Variants in PLCD3 observed in about 807,000 individuals in gnomAD.
The protein encoded by PLCD3 is phospholipase C delta 3.
In PLCD3, 62 loss-of-function variants were observed where a neutral mutation model predicts 82.8. The ratio of observed to expected loss-of-function variants is 0.75; its 90% CI spans 0.61 to 0.93. The LOEUF (loss-of-function observed/expected upper bound fraction) is 0.93. Among genes scored for constraint, PLCD3 ranks in the 40% least tolerant of loss-of-function variants. PLCD3 has a pLI of 0.00. For missense variants in PLCD3, 1,023 were observed against 1,103.4 expected, an observed-to-expected ratio of 0.93 and a Z score of 1.03; for synonymous variants, 478 against 471.8, an observed-to-expected ratio of 1.01 and a Z score of -0.17.
intron 1 of PLCD3, among the ~76,000 whole-genome samples, chr17:45,125,146 G>A (rs925582389): frequency 5.3e-5 from 8 of 151,394 alleles, no homozygotes; most frequent in Admixed American, 2.0e-4. Flanking sequence ...GACCAACATG[G>A]TGAAACCCTG....
intron 7 of PLCD3, among the ~76,000 whole-genome samples, chr17:45,117,529 C>T (rs948397751): frequency 1.7e-4 from 26 of 152,214 alleles, no homozygotes; most frequent in African/African-American, 4.6e-4. Context: ...TGTGAGCCAC[C>T]GCACCTGGTC....
In PLCD3 at chr17:45,121,279, C is replaced by T; in HGVS notation, c.257G>A (p.Arg86Gln). The T allele has an allele frequency of 1.3e-6, 2 of 1,587,948 alleles. No homozygotes were observed. The highest frequency in any genetic ancestry group is 1.7e-4 in the Middle Eastern group (1 of 5,972). Residue 86 changes from arginine (R) to glutamine (Q), a missense_variant, in exon 2 of 15, where the codon CGG becomes CAG. By Grantham distance (43) the Arg-to-Gln change is conservative. Coordinates refer to ENST00000619929, the MANE Select transcript of PLCD3 (RefSeq NM_133373.5). Reference sequence around the variant, plus strand: ...CACGCTCAGGCCGTCCTCCTGCAGCCGGTACAGCCGCTCCTTGTGCCACGT... The same window carrying T: ...CACGCTCAGGCCGTCCTCCTGCAGCTGGTACAGCCGCTCCTTGTGCCACGT... ...SRTWHKERLY[R>Q]LQEDGLSVWF...
rs867847080 is a variant in PLCD3 at position 45,112,194 on chromosome 17, G to A, written c.*422C>T. 6.8e-5 allele frequency: 13 copies of A among 192,166 alleles called. No homozygotes were observed. Among genetic ancestry groups the A allele is most frequent in the African/African-American group, 1.2e-4 (5 of 42,262 alleles). 11.9% of individuals were successfully genotyped at this position (192,166 alleles called of 1,614,324 possible). ...AAAGGAGGGCTTAGGGGCTAAGCTC[G>A]GGGTCGGGGCCAAGTGGAGTGACTG... On this transcript the variant is annotated 3_prime_UTR_variant, in exon 15 of 15. Transcript: ENST00000619929.
chr17:45,123,963 C>T (rs1309869974), intron 1 of PLCD3, among the ~76,000 whole-genome samples: 4 of 141,794 alleles, frequency 2.8e-5, no homozygotes, highest in Non-Finnish European at 1.6e-5. Context: ...CAGACCCCCC[C>T]CCCAACCAGG....
chr17:45,115,604 G>T, intron 8 of PLCD3, 114 bp from the exon 9 acceptor site: 1 of 914,896 alleles, frequency 1.1e-6, no homozygotes, highest in Non-Finnish European at 1.7e-6. Flanking sequence ...TGGGAGGCAG[G>T]AAAGGAGACA....
At position 45,112,914 on chromosome 17, in the gene PLCD3, G is replaced by A; in HGVS notation, c.2230C>T (p.Pro744Ser). ...GTAAACTGGCCCACAAAGTCATTGG[G>A]GGAGGTGGCGTCATAATCTTCCACC... ...FVVEDYDATS[P>S]NDFVGQFTLP... The change falls in exon 14 of 15, where the codon CCC becomes TCC. Residue 744 changes from proline to serine, a missense_variant. Transcript: ENST00000619929. 1 of 1,612,670 alleles carries A rather than the reference G, an allele frequency of 6.2e-7. No individual in the cohort carries two copies. The highest frequency in any genetic ancestry group is 8.5e-7 in the Non-Finnish European group (1 of 1,179,356).
chr17:45,120,897 G>T lies in PLCD3; in HGVS notation c.554+5C>A. On this transcript the variant is annotated splice_donor_5th_base_variant and intron_variant, in intron 3 of 14. Coordinates refer to ENST00000619929, the MANE Select transcript of PLCD3 (RefSeq NM_133373.5). ...GGGCCCTCCCTCCCAGCCCCGGCAG[G>T]ATATTGGTCTAGCCGCTCGCGCTGG... The T allele has an allele frequency of 1.4e-6, 2 of 1,423,604 alleles. No homozygotes were observed. The highest frequency in any genetic ancestry group is 1.5e-5 in the South Asian group (1 of 67,426). 88.2% of individuals were successfully genotyped at this position (1,423,604 alleles called of 1,614,324 possible). A position where few individuals can be genotyped will look rare whatever the true frequency, so the allele number is the denominator to read the frequency against.
At position 45,113,203 on chromosome 17, in the gene PLCD3, C is replaced by A. The variant is rs759825079; in HGVS notation, c.2050G>T (p.Val684Leu). ...ATCTCAATGCGCACCAGGGGGTCCA[C>A]AATGGAGTGTGGCTTCTCGGCATTC... ...KLNAEKPHSI[V>L]DPLVRIEIHG... is the part of the protein sequence containing the mutation. Residue 684 changes from valine to leucine, a missense_variant, in exon 13 of 15, where the codon GTG becomes TTG. Val to Leu is a conservative substitution (Grantham distance 32, BLOSUM62 1). This residue lies in a region of PLCD3 where 553 missense variants were observed against 655.7 expected (regional missense o/e 0.84). Transcript: ENST00000619929. 1 of 1,611,482 alleles carries A rather than the reference C, an allele frequency of 6.2e-7. No individual in the cohort carries two copies. Among genetic ancestry groups the A allele is most frequent in the Admixed American group, 1.7e-5 (1 of 59,658 alleles).
At position 45,121,244 on chromosome 17, in the gene PLCD3, G is replaced by C. The variant is rs757308380; in HGVS notation, c.292C>G (p.Arg98Gly). Residue 98 changes from arginine (R) to glycine (G), a missense_variant, in exon 2 of 15, where the codon CGG (arginine) becomes GGG (glycine). This residue lies in a region of PLCD3 where 448 missense variants were observed against 406.3 expected (regional missense o/e 1.10). Coordinates refer to ENST00000619929, the MANE Select transcript of PLCD3 (RefSeq NM_133373.5). ...QEDGLSVWFQRRIPRAPSQHI... is the reference protein window; with the variant it reads ...QEDGLSVWFQGRIPRAPSQHI... ...TGCGATGGCGCACGCGGGATGCGCC[G>C]CTGGAACCACACGCTCAGGCCGTCC... The C allele has an allele frequency of 6.3e-7, 1 of 1,591,442 alleles. No individual in the cohort carries two copies. The highest frequency in any genetic ancestry group is 1.1e-5 in the South Asian group (1 of 89,852).
Position 45,110,447 on chromosome 17 carries a change from G to GA in PLCD3, c.*2168dup, listed in dbSNP as rs11418925. 88,552 of 146,842 alleles carry GA rather than the reference G, an allele frequency of 0.6. 27,299 individuals carry two copies. Among genetic ancestry groups the GA allele is most frequent in the East Asian group, 0.84 (4,204 of 4,982 alleles). 9.1% of individuals were successfully genotyped at this position (146,842 alleles called of 1,614,324 possible). ...GGACGAGCAAGACTTTGTCTCAAAA[G>GA]AAAAAAAAAAAAGACTCTTGCCCTT... On this transcript the variant is annotated 3_prime_UTR_variant, in exon 15 of 15. Transcript: ENST00000619929.
intron 1 of PLCD3, among the ~76,000 whole-genome samples, chr17:45,126,347 ATTTTTT>A (rs398030937): frequency 4.7e-4 from 37 of 79,070 alleles, no homozygotes; most frequent in Admixed American, 7.0e-4. Context: ...CGCCCAGCCT[ATTTTTT>A]TTTTTTTTTT....
Position 45,118,006 on chromosome 17 carries a change from G to C in PLCD3, c.1248C>G (p.Asp416Glu), listed in dbSNP as rs2054304016. Residue 416 changes from aspartate (D) to glutamate (E), a missense_variant, in exon 7 of 15, where the codon GAC (aspartate) becomes GAG (glutamate). Physicochemically the swap from Asp to Glu is conservative, Grantham distance 45. This residue lies in a region of PLCD3 where 553 missense variants were observed against 655.7 expected (regional missense o/e 0.84). Transcript: ENST00000619929. The surrounding 1 kb of genome is among the most constrained non-coding windows in gnomAD (Gnocchi z 4.1). ...CCCAGGGGCTCACCGTGAAGGCATGGTCGCGCACGGCTTGGACCACGTCCC... is the reference window on the plus strand; with the variant it reads ...CCCAGGGGCTCACCGTGAAGGCATGCTCGCGCACGGCTTGGACCACGTCCC... ...LFRDVVQAVR[D>E]HAFTLSPYPV... 6.2e-7 allele frequency: 1 copy of C among 1,613,386 alleles called. No homozygotes were observed. The highest frequency in any genetic ancestry group is 8.5e-7 in the Non-Finnish European group (1 of 1,179,772).
chr17:45,118,252 G>A lies in PLCD3; in HGVS notation c.1115+39C>T, dbSNP rs761403794. On this transcript the variant is annotated intron_variant, in intron 6 of 14. Transcript: ENST00000619929. This position sits in a 1 kb window ranked among gnomAD's most constrained non-coding sequence, Gnocchi z 4.1. ...GGAAGCCAGCCCATGTCTCTCCCCAGGTGGGGCTCCCGGAAACATTCACCC... is the reference window on the plus strand; with the variant it reads ...GGAAGCCAGCCCATGTCTCTCCCCAAGTGGGGCTCCCGGAAACATTCACCC... 6 of 1,612,810 alleles carry A rather than the reference G, an allele frequency of 3.7e-6. No individual in the cohort carries two copies. Among genetic ancestry groups the A allele is most frequent in the Non-Finnish European group, 4.2e-6 (5 of 1,179,192 alleles).
intron 1 of PLCD3, among the ~76,000 whole-genome samples, chr17:45,128,677 G>A (rs1333019321): frequency 1.3e-5 from 2 of 152,244 alleles, no homozygotes; most frequent in Non-Finnish European, 2.9e-5. Flanking sequence ...GAGCATCAGG[G>A]CACAGGCACA....
intron 1 of PLCD3, among the ~76,000 whole-genome samples, chr17:45,124,423 C>T (rs2054365790): frequency 6.6e-6 from 1 of 152,262 alleles, no homozygotes; most frequent in Admixed American, 6.5e-5. Flanking sequence ...CCCCCAAACA[C>T]ACACCCAGTG....
Position 45,112,390 on chromosome 17 carries a change from A to G in PLCD3, c.*226T>C. ...GGAGCTGGGGCCATCTCAGGGCCCC[A>G]GGGTTGGAGCTCACTGAAGTCACAT... On this transcript the variant is annotated 3_prime_UTR_variant, in exon 15 of 15. Transcript: ENST00000619929. 1.8e-6 allele frequency: 1 copy of G among 570,510 alleles called. No individual in the cohort carries two copies. The highest frequency in any genetic ancestry group is 3.1e-6 in the Non-Finnish European group (1 of 318,336). 35.3% of individuals were successfully genotyped at this position (570,510 alleles called of 1,614,324 possible).
chr17:45,124,242 G>A lies in PLCD3; in HGVS notation c.164-2870C>T, dbSNP rs569720070. Among the ~76,000 whole-genome samples the A allele has an allele frequency of 2.0e-5, 3 of 152,332 alleles. No homozygotes were observed. In the East Asian group the frequency reaches 5.8e-4, roughly 29 times the overall value. On this transcript the variant is annotated intron_variant, in intron 1 of 14. Transcript: ENST00000619929. ...GTCACCGGGGCCTGCTCTGTCCAGA[G>A]CCTTCTGCAAACAGGCCATCAACAC...
At chr17:45,114,855 A>G (rs1345408962) in intron 10 of PLCD3, among the ~76,000 whole-genome samples, 2 of 150,736 alleles carry the variant, frequency 1.3e-5, no homozygotes, top group Non-Finnish European at 3.0e-5. Flanking sequence ...CTGACCCATC[A>G]CCCTCTATGG....
Position 45,120,917 on chromosome 17 carries a change from C to T in PLCD3, c.539G>A (p.Arg180His), listed in dbSNP as rs1275962542. Residue 180 changes from arginine (R) to histidine (H), a missense_variant, in exon 3 of 15, where the codon CGC becomes CAC. Physicochemically the swap from Arg to His is conservative, Grantham distance 29. Transcript: ENST00000619929. The part of the protein sequence containing the change: ...LRARLDAMSQ[R>H]ERLDHWIHSY... ...GGCAGGATATTGGTCTAGCCGCTCG[C>T]GCTGGCTCATGGCGTCCAGGCGCGC... 1 of 1,443,936 alleles carries T rather than the reference C, an allele frequency of 6.9e-7. No individual in the cohort carries two copies. Among genetic ancestry groups the T allele is most frequent in the Non-Finnish European group, 9.0e-7 (1 of 1,105,362 alleles). 89.4% of individuals were successfully genotyped at this position (1,443,936 alleles called of 1,614,324 possible). A position where few individuals can be genotyped will look rare whatever the true frequency, so the allele number is the denominator to read the frequency against.
Sources: gnomAD v4.1 joint callset for allele counts (sites outside exome capture counted in the v4.1 genomes callset) on GRCh38, gnomAD v4.1.1 for gene constraint, gnomAD v4.1.1 regional missense constraint, Gnocchi (gnomAD v3.1) non-coding constraint, MANE v1.5 for transcripts, NCBI Gene and HGNC (gene_info 2026-07-23, HGNC 2026-07-21) for gene names.